The following ZSCAN1 variants were observed in gnomAD, a reference collection of about 807,000 sequenced individuals.
ZSCAN1 encodes zinc finger and SCAN domain containing 1.
Under a neutral mutation model 23.8 loss-of-function variants are expected in ZSCAN1, and 23 were observed. The ratio of observed to expected loss-of-function variants is 0.97; its 90% CI spans 0.70 to 1.37. The LOEUF (loss-of-function observed/expected upper bound fraction) is 1.37, where lower values mean the gene tolerates loss of function less well. ZSCAN1 is among the 40% of genes most tolerant of loss of function. The pLI is 0.00. For synonymous variants in ZSCAN1, 236 were observed against 232.3 expected (o/e 1.02, Z -0.15); for missense variants, 575 against 554.0 (o/e 1.04, Z -0.38).
Position 58,045,021 on chromosome 19 carries a change from A to T in ZSCAN1, c.465+4477A>T. The T allele has an allele frequency of 8.7e-7, 1 of 1,149,982 alleles. No homozygotes were observed. The highest frequency in any genetic ancestry group is 1.5e-5 in the African/African-American group (1 of 66,214). 71.2% of individuals were successfully genotyped at this position (1,149,982 alleles called of 1,614,324 possible). A position where few individuals can be genotyped will look rare whatever the true frequency, so the allele number is the denominator to read the frequency against. ...GCGGCCCTGTGTACAGCGCCCCCGC[A>T]GAGATGGTGGTGAAGTCCCGGGGGC... On this transcript the variant is annotated intron_variant, in intron 4 of 5. Coordinates refer to ENST00000282326, the MANE Select transcript of ZSCAN1 (RefSeq NM_182572.4). This position sits in a 1 kb window ranked among gnomAD's most constrained non-coding sequence, Gnocchi z 4.3.
intron 3 of ZSCAN1, 123 bp downstream of exon 3, chr19:58,038,329 C>A: frequency 8.2e-7 from 1 of 1,223,494 alleles, no homozygotes; most frequent in Non-Finnish European, 1.1e-6. Context: ...GACCAGCAAA[C>A]CTCTCCTGCC....
Position 58,045,777 on chromosome 19 carries a change from G to GC in ZSCAN1, c.465+5234dup, listed in dbSNP as rs1033577002. ...GCCAGCTGAAGCAGTGGCTGGACCT[G>GC]CACCTGCATCAGGAGATCCCCACAT... On this transcript the variant is annotated intron_variant, in intron 4 of 5. Coordinates refer to ENST00000282326, the MANE Select transcript of ZSCAN1 (RefSeq NM_182572.4). The surrounding 1 kb of genome is among the most constrained non-coding windows in gnomAD (Gnocchi z 4.3). The GC allele has an allele frequency of 8.4e-6, 13 of 1,555,102 alleles. No individual in the cohort carries two copies. The highest frequency in any genetic ancestry group is 1.7e-4 in the Middle Eastern group (1 of 5,870).
intron 4 of ZSCAN1, among the ~76,000 whole-genome samples, chr19:58,042,402 C>T (rs1049057189): frequency 2.6e-5 from 4 of 151,758 alleles, no homozygotes; most frequent in South Asian, 2.1e-4. Flanking sequence ...GGACTACAGG[C>T]GCCCGCCACC....
At chr19:58,044,031 G>A (rs992100201) in intron 4 of ZSCAN1, among the ~76,000 whole-genome samples, 2 of 151,946 alleles carry the variant, frequency 1.3e-5, no homozygotes, top group African/African-American at 2.4e-5. Context: ...AGCACTTTGG[G>A]AGGCCGCGGC....
chr19:58,055,325 C>G (rs2073884188), downstream of ZSCAN1, among the ~76,000 whole-genome samples: 1 of 152,290 alleles, frequency 6.6e-6, no homozygotes, highest in South Asian at 2.1e-4. Flanking sequence ...GCTGCCTTCA[C>G]TTCATCCTCG....
chr19:58,046,091 A>G lies in ZSCAN1; in HGVS notation c.465+5547A>G, dbSNP rs182079789. ...GGCGCTCCCCAAAGGCCAGGGGCCC[A>G]GCCCCAGCCAGAAGTGCCTGACACT... On this transcript the variant is annotated intron_variant, in intron 4 of 5. Transcript: ENST00000282326. 7.2e-5 allele frequency: 49 copies of G among 684,436 alleles called. No homozygotes were observed. In the East Asian group the frequency reaches 1.2e-3, roughly 17 times the overall value. 42.4% of individuals were successfully genotyped at this position (684,436 alleles called of 1,614,324 possible).
chr19:58,045,018 C>G lies in ZSCAN1; in HGVS notation c.465+4474C>G, dbSNP rs949146394. 1.7e-6 allele frequency: 2 copies of G among 1,155,786 alleles called. No homozygotes were observed. The highest frequency in any genetic ancestry group is 1.5e-5 in the African/African-American group (1 of 66,206). The allele number at this position is 1,155,786 out of a possible 1,614,324, so 71.6% of individuals were successfully genotyped here. ...AAGGCGGCCCTGTGTACAGCGCCCCCGCAGAGATGGTGGTGAAGTCCCGGG... is the reference window on the plus strand; with the variant it reads ...AAGGCGGCCCTGTGTACAGCGCCCCGGCAGAGATGGTGGTGAAGTCCCGGG... On this transcript the variant is annotated intron_variant, in intron 4 of 5. Transcript: ENST00000282326. This position sits in a 1 kb window ranked among gnomAD's most constrained non-coding sequence, Gnocchi z 4.3.
rs1009207941 is a variant in ZSCAN1 at position 58,040,842 on chromosome 19, A to G, written c.465+298A>G. Reference sequence around the variant, plus strand: ...AGACCCATCCTCCTGTGTCACCCGCACCAGATGCTGCGTGTGTTGAGAAAG... The same window carrying G: ...AGACCCATCCTCCTGTGTCACCCGCGCCAGATGCTGCGTGTGTTGAGAAAG... On this transcript the variant is annotated intron_variant, in intron 4 of 5. Transcript: ENST00000282326. The surrounding 1 kb of genome is among the most constrained non-coding windows in gnomAD (Gnocchi z 5.8). Among the ~76,000 whole-genome samples the G allele has an allele frequency of 2.0e-5, 3 of 152,026 alleles. No homozygotes were observed. The highest frequency in any genetic ancestry group is 4.4e-5 in the Non-Finnish European group (3 of 67,988).
intron 4 of ZSCAN1, among the ~76,000 whole-genome samples, chr19:58,048,722 T>G (rs2073841271): frequency 6.6e-6 from 1 of 152,192 alleles, no homozygotes; most frequent in African/African-American, 2.4e-5. Context: ...CCTCCCAAAG[T>G]GCCAGGATGA....
chr19:58,046,234 C>T, intron 4 of ZSCAN1: 1 of 772,696 alleles, frequency 1.3e-6, no homozygotes, highest in South Asian at 1.3e-5. Context: ...GCTGCAGGAA[C>T]AGAAGAAGTC....
intron 4 of ZSCAN1, among the ~76,000 whole-genome samples, chr19:58,041,342 C>T (rs2123425255): frequency 6.6e-6 from 1 of 152,346 alleles, no homozygotes; most frequent in Non-Finnish European, 1.5e-5. Flanking sequence ...CCTGACCTAA[C>T]AGTGGGGCTG....
In ZSCAN1 at chr19:58,047,689, A is replaced by G. The variant is rs2073834871; in HGVS notation, c.466-4801A>G. On this transcript the variant is annotated intron_variant, in intron 4 of 5. Transcript: ENST00000282326. This position sits in a 1 kb window ranked among gnomAD's most constrained non-coding sequence, Gnocchi z 4.9. ...GAGTCCAGTGCACCCACAGCAGCAT[A>G]CCCTTCTCACCCCTTGTGGTGTTGC... Among the ~76,000 whole-genome samples, 1 of 152,110 alleles carries G rather than the reference A, an allele frequency of 6.6e-6. No individual in the cohort carries two copies. The highest frequency in any genetic ancestry group is 1.5e-5 in the Non-Finnish European group (1 of 68,004).
rs765497312 is a variant in ZSCAN1, at chr19:58,053,637, T to A, written c.813T>A (p.Gly271=). The stretch of plus-strand genomic sequence containing the variant: ...CATCCCTCAAGCACACCAAAGGTGG[T>A]ACCCAAGAGGCTGTTGCAGGCATCT... The part of the protein sequence containing the change: ...HQPSLKHTKG[G]TQEAVAGISV... Residue 271 remains glycine (G), a synonymous_variant, in exon 6 of 6, where the codon GGT becomes GGA. Coordinates refer to ENST00000282326, the MANE Select transcript of ZSCAN1 (RefSeq NM_182572.4). This position sits in a 1 kb window ranked among gnomAD's most constrained non-coding sequence, Gnocchi z 5.8. 6.2e-7 allele frequency: 1 copy of A among 1,614,072 alleles called. No homozygotes were observed. Among genetic ancestry groups the A allele is most frequent in the Non-Finnish European group, 8.5e-7 (1 of 1,179,998 alleles).
intron 4 of ZSCAN1, chr19:58,046,263 G>C (rs1280609144): frequency 3.8e-6 from 3 of 779,754 alleles, no homozygotes; most frequent in Non-Finnish European, 7.1e-6. Context: ...GGAAGAAGGA[G>C]GAGCTGGAGC....
At chr19:58,048,251 C>CA (rs5828740) in intron 4 of ZSCAN1, among the ~76,000 whole-genome samples, 2,283 of 152,114 alleles carry the variant, frequency 0.015, 38 homozygotes, top group East Asian at 0.033. Context: ...TATGAATTCT[C>CA]AAAAAAAATC....
chr19:58,039,540 C>T, intron 3 of ZSCAN1, among the ~76,000 whole-genome samples: 1 of 152,162 alleles, frequency 6.6e-6, no homozygotes, highest in Non-Finnish European at 1.5e-5. Flanking sequence ...GAGGCCAAGG[C>T]AGGCGGATCA....
Position 58,049,803 on chromosome 19 carries a change from C to T in ZSCAN1, c.466-2687C>T, listed in dbSNP as rs757741722. ...CTGGGGTCCCTGGTGGTTCCCACCG[C>T]GTAGCTGATACTCGTGGCCCCTGCT... On this transcript the variant is annotated intron_variant, in intron 4 of 5. Transcript: ENST00000282326. This position sits in a 1 kb window ranked among gnomAD's most constrained non-coding sequence, Gnocchi z 4.5. Among the ~76,000 whole-genome samples the T allele has an allele frequency of 1.2e-4, 17 of 147,268 alleles. No individual in the cohort carries two copies. The highest frequency in any genetic ancestry group is 1.7e-4 in the African/African-American group (7 of 41,038).
intron 4 of ZSCAN1, among the ~76,000 whole-genome samples, chr19:58,051,852 C>T (rs1412692320): frequency 6.6e-6 from 1 of 152,232 alleles, no homozygotes; most frequent in Non-Finnish European, 1.5e-5. Context: ...ACAAGCAGGG[C>T]TGGAGCCTGG....
At chr19:58,044,580 C>T in intron 4 of ZSCAN1, 2 of 830,836 alleles carry the variant, frequency 2.4e-6, no homozygotes, top group Non-Finnish European at 3.7e-6. Context: ...GCCGCCACGC[C>T]CGGACACACG....
Sources: gnomAD v4.1 joint callset for allele counts (sites outside exome capture counted in the v4.1 genomes callset) on GRCh38, gnomAD v4.1.1 for gene constraint, Gnocchi (gnomAD v3.1) non-coding constraint, MANE v1.5 for transcripts, NCBI Gene and HGNC (gene_info 2026-07-23, HGNC 2026-07-21) for gene names.